Variants in PRKN observed in about 807,000 individuals in gnomAD.
The protein encoded by PRKN is parkin RBR E3 ubiquitin protein ligase.
In PRKN, 56 loss-of-function variants were observed where a neutral mutation model predicts 59.5. The observed-to-expected ratio is 0.94, with a 90% CI of 0.76 to 1.18. PRKN has a LOEUF of 1.18. Among genes scored for constraint, PRKN ranks in the 50% most tolerant of loss-of-function variants. PRKN has a pLI of 0.00. For synonymous variants in PRKN, 250 were observed against 222.1 expected, an observed-to-expected ratio of 1.13 and a Z score of -1.12; for missense variants, 657 against 596.4, an observed-to-expected ratio of 1.10 and a Z score of -1.06.
At chr6:161,780,466 C>T (rs1361637677) in intron 7 of PRKN, among the ~76,000 whole-genome samples, 2 of 152,062 alleles carry the variant, frequency 1.3e-5, no homozygotes, top group Non-Finnish European at 2.9e-5. Flanking sequence ...ACAGGGAGTC[C>T]CACAACCACC....
chr6:162,190,735 C>T (rs575835337), intron 4 of PRKN, among the ~76,000 whole-genome samples: 2 of 152,290 alleles, frequency 1.3e-5, no homozygotes, highest in South Asian at 4.2e-4. Flanking sequence ...CATTTTATCA[C>T]TGTAAGATAA....
chr6:162,302,963 TACACACACACACAC>T (rs71004084), intron 2 of PRKN, among the ~76,000 whole-genome samples: 20 of 139,494 alleles, frequency 1.4e-4, no homozygotes, highest in African/African-American at 2.8e-4. Flanking sequence ...GCCTTAAACA[TACACACACACACAC>T]ACACACACAC....
At chr6:161,916,206 G>A (rs945337430) in intron 6 of PRKN, among the ~76,000 whole-genome samples, 1 of 152,168 alleles carries the variant, frequency 6.6e-6, no homozygotes, top group African/African-American at 2.4e-5. Flanking sequence ...CTGGCCTTAT[G>A]AAGACATAAG....
In PRKN at chr6:161,785,914, G is replaced by GA. The variant is rs1442982154; in HGVS notation, c.735-7dup. The GA allele has an allele frequency of 6.8e-6, 11 of 1,613,752 alleles. No homozygotes were observed. The highest frequency in any genetic ancestry group is 3.3e-5 in the Admixed American group (2 of 60,004). ...GGAAAACCAGGACGGGGCTCCTGCA[G>GA]AGAGAAAGGAAGATGTTTCCTCTAG... On this transcript the variant is annotated splice_region_variant and splice_polypyrimidine_tract_variant and intron_variant, in intron 6 of 11. Coordinates refer to ENST00000366898, the MANE Select transcript of PRKN (RefSeq NM_004562.3).
intron 6 of PRKN, among the ~76,000 whole-genome samples, chr6:161,786,310 C>G (rs1418130632): frequency 6.6e-6 from 1 of 152,156 alleles, no homozygotes; most frequent in Non-Finnish European, 1.5e-5. Flanking sequence ...TTCTCATAGA[C>G]TGTGATCTCC....
chr6:161,585,398 G>A (rs1781485105), intron 7 of PRKN, among the ~76,000 whole-genome samples: 1 of 152,166 alleles, frequency 6.6e-6, no homozygotes, highest in Admixed American at 6.5e-5. Flanking sequence ...TCAGAATAAT[G>A]TCAAATAATC....
intron 1 of PRKN, among the ~76,000 whole-genome samples, chr6:162,494,249 G>A (rs768720679): frequency 1.3e-5 from 2 of 152,162 alleles, no homozygotes; most frequent in Non-Finnish European, 2.9e-5. Flanking sequence ...CAGCCTGGGC[G>A]TTGGCATCAG....
chr6:162,204,679 G>A (rs1784858943), intron 3 of PRKN, among the ~76,000 whole-genome samples: 1 of 150,436 alleles, frequency 6.6e-6, no homozygotes, highest in African/African-American at 2.4e-5. Context: ...TAATGATTTT[G>A]CAAATAAAGT....
rs551304866 is a variant in PRKN, at chr6:162,190,274, C to T, written c.534+10857G>A. 2.2e-4 allele frequency among the ~76,000 whole-genome samples: 33 copies of T among 152,226 alleles called. No homozygotes were observed. In the South Asian group the frequency reaches 5.6e-3, roughly 26 times the overall value. On this transcript the variant is annotated intron_variant, in intron 4 of 11. Transcript: ENST00000366898. Reference sequence around the variant, plus strand: ...TCATAATTTCCTTTTTCCCAGTACGCAATACTCTTCCATTTTCTTTTCAGC... The same window carrying T: ...TCATAATTTCCTTTTTCCCAGTACGTAATACTCTTCCATTTTCTTTTCAGC...
At chr6:162,074,436 C>A (rs558271751) in intron 4 of PRKN, among the ~76,000 whole-genome samples, 13 of 146,060 alleles carry the variant, frequency 8.9e-5, no homozygotes, top group Non-Finnish European at 1.8e-4. Context: ...ACAATGAGAT[C>A]ACATGGACAC....
At chr6:161,494,596 C>T (rs1777675213) in intron 9 of PRKN, among the ~76,000 whole-genome samples, 1 of 152,234 alleles carries the variant, frequency 6.6e-6, no homozygotes, top group Non-Finnish European at 1.5e-5. Context: ...CTAGTTTCTT[C>T]ATCGACTGGT....
At chr6:161,513,735 C>G (rs1043895536) in intron 9 of PRKN, among the ~76,000 whole-genome samples, 2 of 152,070 alleles carry the variant, frequency 1.3e-5, no homozygotes, top group African/African-American at 4.8e-5. Flanking sequence ...GAATGACTTT[C>G]CCCTGTAAGA....
At chr6:161,895,263 C>G (rs1777568018) in intron 6 of PRKN, among the ~76,000 whole-genome samples, 1 of 152,188 alleles carries the variant, frequency 6.6e-6, no homozygotes, top group Non-Finnish European at 1.5e-5. Flanking sequence ...AAATTTCTCT[C>G]TTTTCCCCTC....
intron 7 of PRKN, among the ~76,000 whole-genome samples, chr6:161,705,422 A>G (rs1199318619): frequency 6.6e-6 from 1 of 152,238 alleles, no homozygotes; most frequent in Non-Finnish European, 1.5e-5. Flanking sequence ...TTGGATTGGT[A>G]CTTGAAGTAT....
intron 6 of PRKN, among the ~76,000 whole-genome samples, chr6:161,900,910 T>TTATATATATATATATA: frequency 7.2e-6 from 1 of 138,732 alleles, no homozygotes; most frequent in East Asian, 2.0e-4. Flanking sequence ...ATATGTTAAA[T>TTATATATATATATATA]TGTATATATA....
intron 6 of PRKN, among the ~76,000 whole-genome samples, chr6:161,873,299 G>A (rs79206525): frequency 0.032 from 4,797 of 151,700 alleles, 246 homozygotes; most frequent in African/African-American, 0.11. Flanking sequence ...ACTCATTCTC[G>A]CTCCATGTTT....
chr6:162,150,296 G>A (rs1227675047), intron 4 of PRKN, among the ~76,000 whole-genome samples: 2 of 152,172 alleles, frequency 1.3e-5, no homozygotes, highest in Non-Finnish European at 2.9e-5. Context: ...GAAGACAGTG[G>A]CAAAATGTTT....
intron 2 of PRKN, among the ~76,000 whole-genome samples, chr6:162,430,628 T>C (rs1055084470): frequency 5.9e-5 from 9 of 152,122 alleles, no homozygotes; most frequent in Admixed American, 2.0e-4. Flanking sequence ...GGGGTTTAAA[T>C]GGACTGTATG....
Position 161,352,753 on chromosome 6 carries a change from G to GTGTGTGTGTGTGTT in PRKN, c.1286-2543_1286-2542insAACACACACACACA, listed in dbSNP as rs1784600586. Among the ~76,000 whole-genome samples, 1 of 118,134 alleles carries GTGTGTGTGTGTGTT rather than the reference G, an allele frequency of 8.5e-6. No individual in the cohort carries two copies. Among genetic ancestry groups the GTGTGTGTGTGTGTT allele is most frequent in the Non-Finnish European group, 1.8e-5 (1 of 56,736 alleles). The allele number at this position is 118,134 out of a possible 152,430, so 77.5% of individuals were successfully genotyped here. On this transcript the variant is annotated intron_variant, in intron 11 of 11. Transcript: ENST00000366898. The surrounding 1 kb of genome is among the most constrained non-coding windows in gnomAD (Gnocchi z 5.8). ...TGTGTGTGTGTGTGTGTGTGTGTGTGTGTATATATATATATATATTTTATT... is the reference window on the plus strand; with the variant it reads ...TGTGTGTGTGTGTGTGTGTGTGTGTGTGTGTGTGTGTGTTTGTATATATATATATATATTTTATT...
Sources: allele counts gnomAD v4.1 joint callset (sites outside exome capture counted in the v4.1 genomes callset), GRCh38; gene constraint gnomAD v4.1.1; non-coding constraint Gnocchi (gnomAD v3.1); transcripts MANE v1.5; gene names NCBI Gene and HGNC (gene_info 2026-07-23, HGNC 2026-07-21).